LRRC40: variants seen among roughly 807,000 people sequenced by gnomAD.
The protein encoded by LRRC40 is leucine rich repeat containing 40, also known as leucine-rich repeat-containing protein 40.
LRRC40 carries 76 observed loss-of-function variants against 72.8 expected under a neutral mutation model. That is an observed-to-expected ratio of 1.04 (90% CI 0.87 to 1.26). The LOEUF is 1.26. Among genes scored for constraint, LRRC40 ranks in the 50% most tolerant of loss-of-function variants. The pLI, the probability that LRRC40 is intolerant of heterozygous loss-of-function variation, is 0.00. For synonymous variants in LRRC40, 243 were observed against 254.2 expected, an observed-to-expected ratio of 0.96 and a Z score of 0.42; for missense variants, 684 against 698.9, an observed-to-expected ratio of 0.98 and a Z score of 0.24.
At chr1:70,192,581 C>T (rs529376055) in intron 1 of LRRC40, among the ~76,000 whole-genome samples, 4 of 152,132 alleles carry the variant, frequency 2.6e-5, no homozygotes, top group Admixed American at 2.0e-4. Flanking sequence ...CCATCACTGA[C>T]AGACTGGTTA....
At chr1:70,202,671 C>T (rs971790999) in intron 1 of LRRC40, among the ~76,000 whole-genome samples, 1 of 152,120 alleles carries the variant, frequency 6.6e-6, no homozygotes, top group African/African-American at 2.4e-5. Context: ...TGAGCCCTAA[C>T]AAACCTATGA....
rs372037273 is a variant in LRRC40 at position 70,182,167 on chromosome 1, CATA to C, written c.538-961_538-959del. Among the ~76,000 whole-genome samples, 35 of 151,998 alleles carry C rather than the reference CATA, an allele frequency of 2.3e-4. No homozygotes were observed. The South Asian group carries it at 6.2e-3, about 27-fold the overall frequency. ...TAATTATTTTATAACAATATATTAT[CATA>C]ATCTACAACATACAACATAACATAT... On this transcript the variant is annotated intron_variant, in intron 4 of 14. Transcript: ENST00000370952.
At chr1:70,191,306 T>A (rs992665452) in intron 1 of LRRC40, among the ~76,000 whole-genome samples, 1 of 152,126 alleles carries the variant, frequency 6.6e-6, no homozygotes, top group Non-Finnish European at 1.5e-5. Context: ...TTTTCTAACA[T>A]CTATACATAG....
intron 9 of LRRC40, among the ~76,000 whole-genome samples, chr1:70,171,215 A>C (rs1362642559): frequency 6.6e-6 from 1 of 152,126 alleles, no homozygotes; most frequent in Non-Finnish European, 1.5e-5. Context: ...AAAACTGATC[A>C]AAGACCTAAA....
chr1:70,203,840 T>A (rs1668807040), intron 1 of LRRC40, among the ~76,000 whole-genome samples: 3 of 151,800 alleles, frequency 2.0e-5, no homozygotes, highest in African/African-American at 7.3e-5. Flanking sequence ...CACTAACAAG[T>A]GATGAAACTG....
chr1:70,168,693 C>A (rs984814021), intron 9 of LRRC40, among the ~76,000 whole-genome samples: 4 of 152,100 alleles, frequency 2.6e-5, no homozygotes, highest in Non-Finnish European at 4.4e-5. Flanking sequence ...AGGAGAGAAC[C>A]AAGGAATAAG....
Position 70,151,149 on chromosome 1 carries a change from G to C in LRRC40, c.1496C>G (p.Thr499Arg), listed in dbSNP as rs781661778. 1 of 1,580,328 alleles carries C rather than the reference G, an allele frequency of 6.3e-7. No individual in the cohort carries two copies. ...EEMESLVRLQTINLSFNRFKM... is the reference protein window; with the variant it reads ...EEMESLVRLQRINLSFNRFKM... ...TTACCTATTAAAGGAAAGATTGATC[G>C]TTTGCAGTCTTACCAGTGATTCCAT... Residue 499 changes from threonine to arginine, a missense_variant, in exon 13 of 15, where the codon ACG becomes AGG. By Grantham distance (71) the Thr-to-Arg change is moderately conservative. Coordinates refer to ENST00000370952, the MANE Select transcript of LRRC40 (RefSeq NM_017768.5).
intron 14 of LRRC40, 126 bp downstream of exon 14, chr1:70,148,361 G>T: frequency 1.3e-6 from 1 of 778,794 alleles, no homozygotes; most frequent in South Asian, 2.1e-5. Flanking sequence ...TTTGTTACTT[G>T]TTATTTTTAA....
chr1:70,169,199 C>T (rs1020229905), intron 9 of LRRC40, among the ~76,000 whole-genome samples: 1 of 152,148 alleles, frequency 6.6e-6, no homozygotes, highest in Admixed American at 6.5e-5. Flanking sequence ...AGCAAGACCT[C>T]GTTCCACATA....
chr1:70,187,290 C>T lies in LRRC40; in HGVS notation c.382G>A (p.Glu128Lys). 1 of 1,586,246 alleles carries T rather than the reference C, an allele frequency of 6.3e-7. No homozygotes were observed. The highest frequency in any genetic ancestry group is 8.6e-7 in the Non-Finnish European group (1 of 1,157,866). The change falls in exon 3 of 15, where the codon GAA becomes AAA. Residue 128 changes from glutamate to lysine, a missense_variant. By Grantham distance (56) the Glu-to-Lys change is moderately conservative. Coordinates refer to ENST00000370952, the MANE Select transcript of LRRC40 (RefSeq NM_017768.5). Reference sequence around the variant, plus strand: ...CTGACATTAAGTTTCTGAAGATTTTCTAGCTCTCTTATAGCAGAAGGAAGG... The same window carrying T: ...CTGACATTAAGTTTCTGAAGATTTTTTAGCTCTCTTATAGCAGAAGGAAGG... ...TSLPSAIREL[E>K]NLQKLNVSHN...
At chr1:70,158,099 C>CA (rs35925333) in intron 10 of LRRC40, among the ~76,000 whole-genome samples, 2,121 of 19,198 alleles carry the variant, frequency 0.11, 622 homozygotes, top group African/African-American at 0.16. Flanking sequence ...GACCCTGCCT[C>CA]AAAAAAAAAA....
At position 70,187,012 on chromosome 1, in the gene LRRC40, A is replaced by T. The variant is rs540876754; in HGVS notation, c.407+253T>A. 3.8e-4 allele frequency among the ~76,000 whole-genome samples: 58 copies of T among 152,210 alleles called. 1 individual carries two copies. In the South Asian group the frequency reaches 0.012, roughly 30 times the overall value. ...CACTAAGAATTGTTTTATAAAAAAAAAAAAATTTAAGCATTTAAAAAAAAT... is the reference window on the plus strand; with the variant it reads ...CACTAAGAATTGTTTTATAAAAAAATAAAAATTTAAGCATTTAAAAAAAAT... On this transcript the variant is annotated intron_variant, in intron 3 of 14. Coordinates refer to ENST00000370952, the MANE Select transcript of LRRC40 (RefSeq NM_017768.5).
At chr1:70,151,415 T>A (rs1310807335) in intron 12 of LRRC40, among the ~76,000 whole-genome samples, 1 of 152,118 alleles carries the variant, frequency 6.6e-6, no homozygotes, top group Non-Finnish European at 1.5e-5. Context: ...AATACCAATA[T>A]GCAACCAATT....
chr1:70,192,969 T>C (rs1668532971), intron 1 of LRRC40, among the ~76,000 whole-genome samples: 1 of 151,864 alleles, frequency 6.6e-6, no homozygotes, highest in Non-Finnish European at 1.5e-5. Flanking sequence ...CTAAAATAAA[T>C]GTTTAAAAAA....
rs749628441 is a variant in LRRC40, at chr1:70,184,918, T to C, written c.408-4A>G. The stretch of plus-strand genomic sequence containing the variant: ...GAGTATTTTCAGTTTATTATGGCTA[T>C]TGGTTGATAAAATAAATGATGAATA... On this transcript the variant is annotated splice_polypyrimidine_tract_variant and splice_region_variant and intron_variant, in intron 3 of 14. Coordinates refer to ENST00000370952, the MANE Select transcript of LRRC40 (RefSeq NM_017768.5). 25 of 1,582,376 alleles carry C rather than the reference T, an allele frequency of 1.6e-5. No homozygotes were observed. Among genetic ancestry groups the C allele is most frequent in the South Asian group, 1.5e-4 (13 of 87,030 alleles).
intron 12 of LRRC40, among the ~76,000 whole-genome samples, 185 bp downstream of exon 12, chr1:70,152,248 T>C (rs1490718918): frequency 6.6e-6 from 1 of 152,162 alleles, no homozygotes; most frequent in Non-Finnish European, 1.5e-5. Flanking sequence ...GATTACAGTA[T>C]TTTTCCTGAA....
chr1:70,184,132 C>A (rs1668309344), intron 4 of LRRC40, among the ~76,000 whole-genome samples: 1 of 151,948 alleles, frequency 6.6e-6, no homozygotes, highest in East Asian at 1.9e-4. Flanking sequence ...GCCTGTAATC[C>A]CAGCTACTTG....
At chr1:70,189,409 A>T in intron 1 of LRRC40, 136 bp from the exon 2 acceptor site, 1 of 702,420 alleles carries the variant, frequency 1.4e-6, no homozygotes. Flanking sequence ...AACAAAAAAT[A>T]AGTTAAATAG....
At chr1:70,153,100 C>A (rs1030247043) in intron 11 of LRRC40, among the ~76,000 whole-genome samples, 3 of 152,112 alleles carry the variant, frequency 2.0e-5, no homozygotes, top group Non-Finnish European at 4.4e-5. Context: ...GTGGCTCACA[C>A]CTATAATCTC....
Sources: allele counts gnomAD v4.1 joint callset (sites outside exome capture counted in the v4.1 genomes callset), GRCh38; gene constraint gnomAD v4.1.1; transcripts MANE v1.5; gene names NCBI Gene and HGNC (gene_info 2026-07-23, HGNC 2026-07-21).